The following CHD2 variants were observed in gnomAD, a reference collection of about 807,000 sequenced individuals.
CHD2 encodes the protein ATP-dependent chromatin remodeler CHD2.
CHD2 carries 28 observed loss-of-function variants against 243.9 expected under a neutral mutation model. That is an observed-to-expected ratio of 0.11 (90% confidence interval 0.09 to 0.16). The LOEUF is 0.16. Ranked by LOEUF, CHD2 falls within the 10% of genes least tolerant of loss-of-function variation. CHD2 has a pLI of 1.00. For synonymous variants in CHD2, 775 were observed against 779.0 expected (o/e 0.99, Z 0.09); for missense variants, 1,386 against 2,209.8 (o/e 0.63, Z 7.47).
chr15:92,940,710 TC>T (rs2053347523), intron 7 of CHD2, among the ~76,000 whole-genome samples: 1 of 149,104 alleles, frequency 6.7e-6, no homozygotes, highest in African/African-American at 2.5e-5. Flanking sequence ...TGTTTTTCTT[TC>T]TTGTGACTCA....
At chr15:92,939,157 A>G (rs2053316728) in intron 6 of CHD2, among the ~76,000 whole-genome samples, 1 of 151,878 alleles carries the variant, frequency 6.6e-6, no homozygotes. Flanking sequence ...ATACTTTATT[A>G]TGCCTGTTTA....
At chr15:92,957,552 GC>G (rs2053631738) in intron 16 of CHD2, among the ~76,000 whole-genome samples, 1 of 151,984 alleles carries the variant, frequency 6.6e-6, no homozygotes, top group Non-Finnish European at 1.5e-5. Context: ...GATTTTGTTT[GC>G]TTGATTCATT....
In CHD2 at chr15:93,022,530, C is replaced by T. The variant is rs1207578858; in HGVS notation, c.5154-1842C>T. Among the ~76,000 whole-genome samples the T allele has an allele frequency of 2.6e-5, 4 of 152,228 alleles. No individual in the cohort carries two copies. The South Asian group carries it at 8.3e-4, about 32-fold the overall frequency. ...GGTGAGAACAGGCACGATGCCAGTT[C>T]TTTGTGAGCACAGGGCACTGTTACC... On this transcript the variant is annotated intron_variant, in intron 38 of 38. Transcript: ENST00000394196.
intron 2 of CHD2, among the ~76,000 whole-genome samples, chr15:92,915,271 T>G (rs2052812469): frequency 1.3e-5 from 2 of 152,008 alleles, no homozygotes; most frequent in South Asian, 4.1e-4. Context: ...TCAAAGGATA[T>G]AATTAAAGTT....
intron 35 of CHD2, among the ~76,000 whole-genome samples, chr15:93,010,252 A>G (rs1008766342): frequency 2.0e-5 from 3 of 152,184 alleles, no homozygotes; most frequent in African/African-American, 7.2e-5. Flanking sequence ...GGCTGGTTCC[A>G]TGTTTTTGCA....
intron 16 of CHD2, among the ~76,000 whole-genome samples, chr15:92,966,218 C>T (rs1190325108): frequency 6.6e-6 from 1 of 151,844 alleles, no homozygotes; most frequent in Admixed American, 6.6e-5. Flanking sequence ...CACTTGCCAC[C>T]ATGCCCAGCT....
intron 2 of CHD2, 64 bp from the exon 3 acceptor site, chr15:92,924,257 T>C: frequency 6.9e-7 from 1 of 1,446,868 alleles, no homozygotes; most frequent in South Asian, 1.2e-5. Flanking sequence ...TGAGAATTTT[T>C]TTTTAAGCAG....
intron 35 of CHD2, among the ~76,000 whole-genome samples, chr15:93,010,904 A>G (rs557159392): frequency 5.1e-4 from 78 of 152,310 alleles, no homozygotes; most frequent in Non-Finnish European, 9.6e-4. Flanking sequence ...AATATGTCCA[A>G]TCTCAGAGGA....
At chr15:93,018,497 G>T (rs1474892294) in intron 37 of CHD2, among the ~76,000 whole-genome samples, 1 of 152,216 alleles carries the variant, frequency 6.6e-6, no homozygotes, top group Non-Finnish European at 1.5e-5. Context: ...TTTTCCATGA[G>T]GTCATAGGTT....
chr15:92,933,158 G>T (rs1381489154), intron 5 of CHD2, among the ~76,000 whole-genome samples: 4 of 151,278 alleles, frequency 2.6e-5, no homozygotes, highest in Non-Finnish European at 5.9e-5. Context: ...TCTTGCTTCA[G>T]TCTCCCCAGT....
rs186172424 is a variant in CHD2, at chr15:92,967,992, G to T, written c.2189+479G>T. Among the ~76,000 whole-genome samples the T allele has an allele frequency of 4.2e-3, 636 of 151,822 alleles. 3 individuals are homozygous for T. Among genetic ancestry groups the T allele is most frequent in the Middle Eastern group, 0.02 (6 of 294 alleles). On this transcript the variant is annotated intron_variant, in intron 17 of 38. Coordinates refer to ENST00000394196, the MANE Select transcript of CHD2 (RefSeq NM_001271.4). ...CGTGCATTTTGCTTGTTTTGGGATC[G>T]ATGTAAGCTCCGTGCATTTTGCTTA...
intron 13 of CHD2, among the ~76,000 whole-genome samples, chr15:92,951,950 G>T (rs1032598935): frequency 6.6e-6 from 1 of 152,086 alleles, no homozygotes; most frequent in African/African-American, 2.4e-5. Flanking sequence ...GAATCAGTTA[G>T]GTTGCCTTTA....
In CHD2 at chr15:92,941,959, T is replaced by C. The variant is rs369930157; in HGVS notation, c.826+4T>C. Reference sequence around the variant, plus strand: ...TCAAGACTGGGAAAGAAAGGAGGTATGTGTATTTGGGGAGCAAATTACATT... The same window carrying C: ...TCAAGACTGGGAAAGAAAGGAGGTACGTGTATTTGGGGAGCAAATTACATT... On this transcript the variant is annotated splice_donor_region_variant and intron_variant, in intron 8 of 38. Coordinates refer to ENST00000394196, the MANE Select transcript of CHD2 (RefSeq NM_001271.4). 1.4e-4 allele frequency: 220 copies of C among 1,611,124 alleles called. No homozygotes were observed. Among genetic ancestry groups the C allele is most frequent in the Non-Finnish European group, 1.7e-4 (198 of 1,178,980 alleles).
In CHD2 at chr15:92,974,954, T is replaced by C. The variant is rs2053888106; in HGVS notation, c.2577+4T>C. On this transcript the variant is annotated splice_donor_region_variant and intron_variant, in intron 20 of 38. Transcript: ENST00000394196. Reference sequence around the variant, plus strand: ...CTTCAATGCAGATGGGTCTGAGGTATACTATGCATGGCTTTGTTATTTGAG... The same window carrying C: ...CTTCAATGCAGATGGGTCTGAGGTACACTATGCATGGCTTTGTTATTTGAG... 2.5e-6 allele frequency: 4 copies of C among 1,612,988 alleles called. No individual in the cohort carries two copies. Among genetic ancestry groups the C allele is most frequent in the Middle Eastern group, 1.7e-4 (1 of 6,058 alleles).
chr15:92,980,080 G>A (rs546317004), intron 22 of CHD2, among the ~76,000 whole-genome samples: 1 of 151,188 alleles, frequency 6.6e-6, no homozygotes, highest in Non-Finnish European at 1.5e-5. Context: ...AGTCTCGCTC[G>A]GTCGCCCAGG....
At chr15:92,952,981 T>C (rs1267306436) in intron 13 of CHD2, among the ~76,000 whole-genome samples, 1 of 152,250 alleles carries the variant, frequency 6.6e-6, no homozygotes, top group Non-Finnish European at 1.5e-5. Flanking sequence ...TCACCAGCGG[T>C]GCTGATAGCT....
rs373647115 is a variant in CHD2, at chr15:92,966,909, C to T, written c.2001-416C>T. 7.3e-3 allele frequency among the ~76,000 whole-genome samples: 975 copies of T among 132,732 alleles called. 10 individuals are homozygous for T. Among genetic ancestry groups the T allele is most frequent in the African/African-American group, 0.026 (897 of 34,170 alleles). The allele number at this position is 132,732 out of a possible 152,430, so 87.1% of individuals were successfully genotyped here. ...TGGGCGACGGAGCGAGACTCTGTCT[C>T]AAAAAAAAAAAAAAAGGAATGACTA... On this transcript the variant is annotated intron_variant, in intron 16 of 38. Coordinates refer to ENST00000394196, the MANE Select transcript of CHD2 (RefSeq NM_001271.4).
At position 92,904,535 on chromosome 15, in the gene CHD2, T is replaced by C. The variant is rs1168315668; in HGVS notation, c.62+3236T>C. 5.0e-6 allele frequency: 5 copies of C among 999,602 alleles called. No homozygotes were observed. In the South Asian group the frequency reaches 1.3e-4, roughly 26 times the overall value. The allele number at this position is 999,602 out of a possible 1,614,324, so 61.9% of individuals were successfully genotyped here. A position where few individuals can be genotyped will look rare whatever the true frequency, so the allele number is the denominator to read the frequency against. ...TAGTTGGGACTTTCCGGTGGGCGGCTTCTTTCCTGGACGCGTTTGCTCCTG... is the reference window on the plus strand; with the variant it reads ...TAGTTGGGACTTTCCGGTGGGCGGCCTCTTTCCTGGACGCGTTTGCTCCTG... On this transcript the variant is annotated intron_variant, in intron 2 of 38. Transcript: ENST00000394196.
intron 35 of CHD2, among the ~76,000 whole-genome samples, chr15:93,009,846 G>C (rs942116517): frequency 6.6e-6 from 1 of 152,142 alleles, no homozygotes; most frequent in Non-Finnish European, 1.5e-5. Flanking sequence ...AAGGCATCAT[G>C]GTTTATAAAT....
Sources: allele counts gnomAD v4.1 joint callset (sites outside exome capture counted in the v4.1 genomes callset), GRCh38; gene constraint gnomAD v4.1.1; transcripts MANE v1.5; gene names NCBI Gene and HGNC (gene_info 2026-07-23, HGNC 2026-07-21).